Variants in FRMD3 observed in about 807,000 individuals in gnomAD.
FRMD3 encodes FERM domain containing 3, also known as FERM domain-containing protein 3.
Under a neutral mutation model 70.2 loss-of-function variants are expected in FRMD3, and 33 were observed. The ratio of observed to expected loss-of-function variants is 0.47; its 90% CI spans 0.36 to 0.63. The LOEUF is 0.63. FRMD3 is among the 20% of genes least tolerant of loss of function. The pLI, the probability that FRMD3 is intolerant of heterozygous loss-of-function variation, is 0.00. For synonymous variants in FRMD3, 279 were observed against 255.9 expected, an observed-to-expected ratio of 1.09 and a Z score of -0.86; for missense variants, 632 against 711.4, an observed-to-expected ratio of 0.89 and a Z score of 1.27.
Position 83,247,905 on chromosome 9 carries a change from T to A in FRMD3, c.*13A>T, listed in dbSNP as rs1166500128. ...GCATTGAATATAGCCCTTAGTCACG[T>A]GAGAGATTAACTTCATGAGCAACCC... On this transcript the variant is annotated 3_prime_UTR_variant, in exon 14 of 14. Transcript: ENST00000304195. 1 of 1,611,768 alleles carries A rather than the reference T, an allele frequency of 6.2e-7. No individual in the cohort carries two copies. Among genetic ancestry groups the A allele is most frequent in the Non-Finnish European group, 8.5e-7 (1 of 1,178,278 alleles).
intron 3 of FRMD3, among the ~76,000 whole-genome samples, chr9:83,357,238 AATACATACATATATATATATATATATAT>A (rs1253904012): frequency 2.5e-4 from 1 of 3,980 alleles, no homozygotes; most frequent in African/African-American, 7.5e-4. Flanking sequence ...ATATATATAT[AATACATACATATATATATATATATATAT>A]ATATATATAT....
intron 1 of FRMD3, among the ~76,000 whole-genome samples, chr9:83,481,109 T>C (rs1298123261): frequency 6.6e-6 from 1 of 152,232 alleles, no homozygotes; most frequent in African/African-American, 2.4e-5. Context: ...TCCAGGTTGA[T>C]GGTACCCTGG....
intron 1 of FRMD3, among the ~76,000 whole-genome samples, chr9:83,443,147 T>C (rs577688347): frequency 1.3e-5 from 2 of 152,206 alleles, no homozygotes; most frequent in Non-Finnish European, 2.9e-5. Context: ...GAGAGTATGT[T>C]TCTTTTTTTA....
At chr9:83,272,192 G>A (rs1833581883) in intron 13 of FRMD3, among the ~76,000 whole-genome samples, 1 of 151,602 alleles carries the variant, frequency 6.6e-6, no homozygotes, top group South Asian at 2.1e-4. Flanking sequence ...TTGGCTCACT[G>A]CAACCTCCCT....
intron 4 of FRMD3, among the ~76,000 whole-genome samples, chr9:83,346,452 C>T (rs1016822078): frequency 6.6e-6 from 1 of 152,064 alleles, no homozygotes. Flanking sequence ...CAAAAGGCTA[C>T]ACATTGCATG....
At chr9:83,296,996 CAAGTTACAATTT>C (rs1353122351) in intron 12 of FRMD3, among the ~76,000 whole-genome samples, 8 of 152,034 alleles carry the variant, frequency 5.3e-5, no homozygotes, top group African/African-American at 1.9e-4. Flanking sequence ...GATCCCTGTG[CAAGTTACAATTT>C]GAGAAACCCT....
chr9:83,407,458 C>T (rs572806623), intron 1 of FRMD3, among the ~76,000 whole-genome samples: 2 of 152,072 alleles, frequency 1.3e-5, no homozygotes, highest in Non-Finnish European at 2.9e-5. Context: ...CTCTGTATTT[C>T]CCCCAGCCTC....
intron 13 of FRMD3, among the ~76,000 whole-genome samples, chr9:83,268,621 G>A (rs532379838): frequency 6.6e-6 from 1 of 152,160 alleles, no homozygotes; most frequent in Admixed American, 6.5e-5. Flanking sequence ...ACTGAAAAAA[G>A]CATCTTTATA....
intron 1 of FRMD3, among the ~76,000 whole-genome samples, chr9:83,533,277 TACTC>T (rs780082040): frequency 6.6e-6 from 1 of 152,182 alleles, no homozygotes; most frequent in Non-Finnish European, 1.5e-5. Flanking sequence ...ATTGAGATAA[TACTC>T]AGTAACACAA....
chr9:83,416,745 G>GTCTCTCTCTCTCTCTC lies in FRMD3; in HGVS notation c.148-27053_148-27038dup, dbSNP rs1184226415. 1.2e-3 allele frequency among the ~76,000 whole-genome samples: 122 copies of GTCTCTCTCTCTCTCTC among 102,262 alleles called. 6 individuals carry two copies. The highest frequency in any genetic ancestry group is 1.9e-3 in the East Asian group (6 of 3,216). 67.1% of individuals were successfully genotyped at this position (102,262 alleles called of 152,430 possible). On this transcript the variant is annotated intron_variant, in intron 1 of 13. Coordinates refer to ENST00000304195, the MANE Select transcript of FRMD3 (RefSeq NM_174938.6). ...GGATGTCCCTAAAACATTTCTCTCT[G>GTCTCTCTCTCTCTCTC]TCTCTCTCTCTCTCTCTCTCTCTCT...
At chr9:83,362,666 GAGTA>G (rs1350874412) in intron 3 of FRMD3, among the ~76,000 whole-genome samples, 1 of 152,218 alleles carries the variant, frequency 6.6e-6, no homozygotes, top group African/African-American at 2.4e-5. Context: ...TTGTTTAGAA[GAGTA>G]AGTGAGCTTT....
chr9:83,272,305 G>A (rs1017812758), intron 13 of FRMD3, among the ~76,000 whole-genome samples: 16 of 151,770 alleles, frequency 1.1e-4, no homozygotes, highest in African/African-American at 2.7e-4. Flanking sequence ...ACGGGGTTTC[G>A]CTGTGTTGGC....
intron 1 of FRMD3, among the ~76,000 whole-genome samples, chr9:83,406,761 C>G (rs1236368652): frequency 6.6e-6 from 1 of 152,228 alleles, no homozygotes; most frequent in Non-Finnish European, 1.5e-5. Flanking sequence ...GGTGAGGACA[C>G]AGCCCATAGA....
chr9:83,498,637 C>T (rs1402896387), intron 1 of FRMD3, among the ~76,000 whole-genome samples: 1 of 152,148 alleles, frequency 6.6e-6, no homozygotes, highest in Non-Finnish European at 1.5e-5. Flanking sequence ...TGACTACCAT[C>T]TTGAACAGGG....
intron 12 of FRMD3, chr9:83,297,583 C>T (rs1834725471): frequency 8.5e-6 from 3 of 352,458 alleles, no homozygotes; most frequent in Non-Finnish European, 1.7e-5. Context: ...ATTTCTGCTG[C>T]ATTGAATAAG....
intron 1 of FRMD3, among the ~76,000 whole-genome samples, chr9:83,441,181 T>C (rs1330018979): frequency 6.6e-6 from 1 of 152,206 alleles, no homozygotes; most frequent in Non-Finnish European, 1.5e-5. Context: ...TGAGGGGTTC[T>C]GGTCACTGCA....
the FRMD3 span, among the ~76,000 whole-genome samples, chr9:83,546,564 T>C: frequency 6.6e-6 from 1 of 152,026 alleles, no homozygotes; most frequent in African/African-American, 2.4e-5. Context: ...ATAAAAAGTA[T>C]AAAACTCACA....
At chr9:83,372,831 C>T in intron 3 of FRMD3, 82 bp downstream of exon 3, 1 of 1,271,714 alleles carries the variant, frequency 7.9e-7, no homozygotes. Flanking sequence ...TATTATTCCC[C>T]TGGCAGGAGA....
intron 2 of FRMD3, among the ~76,000 whole-genome samples, chr9:83,385,670 C>A (rs1388363804): frequency 6.6e-6 from 1 of 151,950 alleles, no homozygotes; most frequent in African/African-American, 2.4e-5. Context: ...TTGATTTTCT[C>A]ATTTAATTAG....
Sources: allele counts gnomAD v4.1 joint callset (sites outside exome capture counted in the v4.1 genomes callset), GRCh38; gene constraint gnomAD v4.1.1; transcripts MANE v1.5; gene names NCBI Gene and HGNC (gene_info 2026-07-23, HGNC 2026-07-21).